Variants in RIMS1 observed in about 807,000 individuals in gnomAD.
RIMS1 encodes regulating synaptic membrane exocytosis 1.
RIMS1 carries 83 observed loss-of-function variants against 214.1 expected under a neutral mutation model. The observed-to-expected ratio is 0.39, with a 90% CI of 0.32 to 0.47. RIMS1 has a LOEUF of 0.47. Ranked by LOEUF, RIMS1 falls within the 20% of genes least tolerant of loss-of-function variation. RIMS1 has a pLI of 0.99. For missense variants in RIMS1, 2,050 were observed against 2,161.8 expected (o/e 0.95, Z 1.03); for synonymous variants, 793 against 786.8 (o/e 1.01, Z -0.13).
intron 27 of RIMS1, among the ~76,000 whole-genome samples, chr6:72,309,894 A>G (rs192207706): frequency 6.2e-4 from 95 of 152,116 alleles, no homozygotes; most frequent in Admixed American, 2.0e-3. Context: ...CATACAATAG[A>G]ATTTTTTTGT....
intron 1 of RIMS1, among the ~76,000 whole-genome samples, chr6:71,964,733 T>C (rs9350450): frequency 0.49 from 74,202 of 151,804 alleles, 18,421 homozygotes; most frequent in Middle Eastern, 0.57. Flanking sequence ...TTTTGAGAGG[T>C]CTGTTAAATA....
intron 2 of RIMS1, among the ~76,000 whole-genome samples, chr6:71,991,658 G>A (rs1392343904): frequency 6.6e-6 from 1 of 152,126 alleles, no homozygotes; most frequent in Non-Finnish European, 1.5e-5. Context: ...CATTAACAAG[G>A]GAGAAATAAA....
chr6:72,153,229 C>G (rs974367656), intron 4 of RIMS1, among the ~76,000 whole-genome samples: 4 of 151,296 alleles, frequency 2.6e-5, no homozygotes, highest in Admixed American at 6.6e-5. Flanking sequence ...ATTTATGACA[C>G]TTCTGAATCA....
Position 72,179,753 on chromosome 6 carries a change from G to C in RIMS1, c.650G>C (p.Arg217Pro). ...EKKARLQERS[R>P]SQTPLSTAAA... ...AAAGCACGACTCCAAGAGCGATCGC[G>C]GTCTCAGACACCCCTAAGCACAGCA... Residue 217 changes from arginine (R) to proline (P), a missense_variant, in exon 5 of 34, where the codon CGG becomes CCG. By Grantham distance (103) the Arg-to-Pro change is moderately radical. This residue lies in a region of RIMS1 where 882 missense variants were observed against 828.9 expected (regional missense o/e 1.06). Transcript: ENST00000521978. 6.2e-7 allele frequency: 1 copy of C among 1,613,758 alleles called. No individual in the cohort carries two copies. Among genetic ancestry groups the C allele is most frequent in the Non-Finnish European group, 8.5e-7 (1 of 1,179,864 alleles).
At chr6:72,284,373 T>C (rs1280076945) in intron 24 of RIMS1, among the ~76,000 whole-genome samples, 72 of 152,206 alleles carry the variant, frequency 4.7e-4, no homozygotes, top group Non-Finnish European at 8.8e-5. Flanking sequence ...TGATTACTAA[T>C]AAGGATTAAA....
intron 1 of RIMS1, among the ~76,000 whole-genome samples, chr6:71,930,064 A>C (rs1461760082): frequency 6.6e-6 from 1 of 152,054 alleles, no homozygotes; most frequent in Non-Finnish European, 1.5e-5. Flanking sequence ...AGTGAATGGG[A>C]ATAAGGGTGT....
chr6:72,332,483 A>G (rs1324261116), intron 28 of RIMS1, among the ~76,000 whole-genome samples: 1 of 142,908 alleles, frequency 7.0e-6, no homozygotes, highest in African/African-American at 2.6e-5. Flanking sequence ...GGAATTGAAC[A>G]ATGAGAACAC....
intron 6 of RIMS1, among the ~76,000 whole-genome samples, chr6:72,187,023 G>A (rs1322068339): frequency 6.6e-6 from 1 of 152,170 alleles, no homozygotes; most frequent in Non-Finnish European, 1.5e-5. Context: ...CTACTTGAGA[G>A]GCTGACACAG....
At chr6:72,112,931 G>A (rs1358145048) in intron 4 of RIMS1, among the ~76,000 whole-genome samples, 1 of 152,160 alleles carries the variant, frequency 6.6e-6, no homozygotes, top group East Asian at 1.9e-4. Flanking sequence ...ATATTGAGAA[G>A]TAAGTGTTTG....
At chr6:71,902,527 CT>C (rs1773973740) in intron 1 of RIMS1, among the ~76,000 whole-genome samples, 1 of 151,962 alleles carries the variant, frequency 6.6e-6, no homozygotes, top group East Asian at 1.9e-4. Context: ...TGTGATCTTT[CT>C]TTTTTTCTTC....
At position 72,183,140 on chromosome 6, in the gene RIMS1, A is replaced by G; in HGVS notation, c.1669A>G (p.Ser557Gly). Residue 557 changes from serine (S) to glycine (G), a missense_variant, in exon 6 of 34, where the codon AGC becomes GGC. By Grantham distance (56) the Ser-to-Gly change is moderately conservative. Around this residue, in one of 6 missense-constraint regions of RIMS1, gnomAD observed 882 missense variants for 828.9 expected, o/e 1.06. Coordinates refer to ENST00000521978, the MANE Select transcript of RIMS1 (RefSeq NM_014989.7). The stretch of plus-strand genomic sequence containing the variant: ...CGTGGAGCTGGAGAGCGAGAGCGTC[A>G]GCGAGAAAGGTAAGGGGGCGGCGCC... ...EDVELESESV[S>G]EKGDLDYYWL... The G allele has an allele frequency of 6.3e-7, 1 of 1,591,608 alleles. No individual in the cohort carries two copies. The highest frequency in any genetic ancestry group is 1.1e-5 in the South Asian group (1 of 87,448).
At chr6:72,200,046 C>A (rs2051660642) in intron 6 of RIMS1, among the ~76,000 whole-genome samples, 1 of 151,804 alleles carries the variant, frequency 6.6e-6, no homozygotes, top group South Asian at 2.1e-4. Context: ...AATTTGATAT[C>A]CTTTAAAATA....
At chr6:72,250,208 C>T in intron 12 of RIMS1, 122 bp from the exon 13 acceptor site, 1 of 874,596 alleles carries the variant, frequency 1.1e-6, no homozygotes, top group Non-Finnish European at 1.7e-6. Flanking sequence ...TTAGAAATAT[C>T]TGTAATTGCA....
intron 28 of RIMS1, among the ~76,000 whole-genome samples, chr6:72,323,777 A>C (rs957898528): frequency 2.6e-5 from 4 of 151,960 alleles, no homozygotes; most frequent in African/African-American, 7.2e-5. Flanking sequence ...TATTGTAATC[A>C]AAGTACAGAA....
intron 1 of RIMS1, among the ~76,000 whole-genome samples, chr6:71,968,021 C>T (rs1002077627): frequency 6.6e-6 from 1 of 152,166 alleles, no homozygotes; most frequent in East Asian, 1.9e-4. Flanking sequence ...CAAGAAGCCT[C>T]CATGAAAGCT....
At chr6:72,300,667 C>A (rs1285912617) in intron 26 of RIMS1, among the ~76,000 whole-genome samples, 1 of 151,700 alleles carries the variant, frequency 6.6e-6, no homozygotes, top group Non-Finnish European at 1.5e-5. Context: ...CCTAAACATG[C>A]TTTTAAAAAT....
At chr6:71,909,820 G>C (rs1390947381) in intron 1 of RIMS1, among the ~76,000 whole-genome samples, 1 of 151,990 alleles carries the variant, frequency 6.6e-6, no homozygotes, top group African/African-American at 2.4e-5. Context: ...ATTTAAAGTA[G>C]ACTCTGCCTT....
chr6:72,250,961 C>G lies in RIMS1; in HGVS notation c.2413C>G (p.Leu805Val). 1.3e-6 allele frequency: 2 copies of G among 1,540,268 alleles called. No individual in the cohort carries two copies. The change falls in exon 14 of 34, where the codon CTA (leucine) becomes GTA (valine). Residue 805 changes from leucine (L) to valine (V), a missense_variant. Leu to Val is a conservative substitution (Grantham distance 32). Coordinates refer to ENST00000521978, the MANE Select transcript of RIMS1 (RefSeq NM_014989.7). ...GAGGACCAAAACAGTAAAGAAAATA[C>G]TAGAACCAAAATGGAATCAAACTTT... Reference protein sequence around the residue: ...KRRTKTVKKILEPKWNQTFVY... With the variant: ...KRRTKTVKKIVEPKWNQTFVY...
chr6:71,952,266 A>G (rs973165081), intron 1 of RIMS1, among the ~76,000 whole-genome samples: 6 of 152,176 alleles, frequency 3.9e-5, no homozygotes, highest in Non-Finnish European at 7.4e-5. Context: ...ATTTGGGTGA[A>G]TGTATCAAAG....
Sources: allele counts gnomAD v4.1 joint callset (sites outside exome capture counted in the v4.1 genomes callset), GRCh38; gene constraint gnomAD v4.1.1; regional missense constraint gnomAD v4.1.1; transcripts MANE v1.5; gene names NCBI Gene and HGNC (gene_info 2026-07-23, HGNC 2026-07-21).